The following METTL13 variants were observed in gnomAD, a reference collection of about 807,000 sequenced individuals.
METTL13 encodes eEF1A lysine and N-terminal methyltransferase.
METTL13 carries 52 observed loss-of-function variants against 67.4 expected under a neutral mutation model. That is an observed-to-expected ratio of 0.77 (90% CI 0.62 to 0.97). The LOEUF is 0.97. Among genes scored for constraint, METTL13 ranks in the 50% least tolerant of loss-of-function variants. The probability of loss-of-function intolerance (pLI) is 0.00; values close to 1 mark genes in which losing one functional copy is unlikely to be tolerated. For synonymous variants in METTL13, 354 were observed against 353.6 expected, an observed-to-expected ratio of 1.00 and a Z score of -0.01; for missense variants, 825 against 889.6, an observed-to-expected ratio of 0.93 and a Z score of 0.92.
chr1:171,790,748 T>C, intron 5 of METTL13, 132 bp downstream of exon 5: 1 of 1,016,708 alleles, frequency 9.8e-7, no homozygotes, highest in Non-Finnish European at 1.3e-6. Flanking sequence ...ATCTCAACCA[T>C]GTTATAAGTT....
chr1:171,784,287 T>C lies in METTL13; in HGVS notation c.701T>C (p.Val234Ala), dbSNP rs757767470. 1.8e-5 allele frequency: 29 copies of C among 1,612,830 alleles called. No individual in the cohort carries two copies. Among genetic ancestry groups the C allele is most frequent in the Non-Finnish European group, 2.3e-5 (27 of 1,179,236 alleles). Residue 234 changes from valine to alanine, a missense_variant, in exon 2 of 8, where the codon GTG becomes GCG. Physicochemically the swap from Val to Ala is moderately conservative, Grantham distance 64. Coordinates refer to ENST00000361735, the MANE Select transcript of METTL13 (RefSeq NM_015935.5). ...TGTGCTCAGGAGCAGCGCAAGCCTG[T>C]GCGGCTGGAGAGTGCCGAGCGGCTG... ...ELCAQEQRKP[V>A]RLESAERLAE...
intron 6 of METTL13, 110 bp from the exon 7 acceptor site, chr1:171,794,286 C>T: frequency 6.7e-7 from 1 of 1,489,698 alleles, no homozygotes. Flanking sequence ...TGTCATCCTT[C>T]TAACTTAGTC....
Position 171,781,946 on chromosome 1 carries a change from A to G in METTL13, c.-22A>G. The G allele has an allele frequency of 3.7e-6, 6 of 1,613,580 alleles. No individual in the cohort carries two copies. Among genetic ancestry groups the G allele is most frequent in the Non-Finnish European group, 4.2e-6 (5 of 1,179,754 alleles). On this transcript the variant is annotated 5_prime_UTR_variant, in exon 1 of 8. Coordinates refer to ENST00000361735, the MANE Select transcript of METTL13 (RefSeq NM_015935.5). ...CACAGGGAATAGGGGAGTCTTGAAA[A>G]CGCAGCTTCGGCAGTAGGAACATGA...
intron 4 of METTL13, 50 bp downstream of exon 4, chr1:171,787,980 C>G: frequency 6.3e-7 from 1 of 1,590,750 alleles, no homozygotes; most frequent in Non-Finnish European, 8.6e-7. Flanking sequence ...GTGGCATGGA[C>G]TAGATTTCTT....
rs866218311 is a variant in METTL13, at chr1:171,792,757, G to A, written c.1693+522G>A. 6.6e-5 allele frequency among the ~76,000 whole-genome samples: 10 copies of A among 152,260 alleles called. 1 individual carries two copies. Among genetic ancestry groups the A allele is most frequent in the Middle Eastern group, 6.8e-3 (2 of 294 alleles). The stretch of plus-strand genomic sequence containing the variant: ...GGGATGTTGCTACTGACATCTAAAC[G>A]GTAGAGGTCTAGGATGCTAGTAAAC... On this transcript the variant is annotated intron_variant, in intron 6 of 7. Coordinates refer to ENST00000361735, the MANE Select transcript of METTL13 (RefSeq NM_015935.5).
chr1:171,796,044 T>G (rs947168937), intron 7 of METTL13, among the ~76,000 whole-genome samples: 4 of 152,106 alleles, frequency 2.6e-5, no homozygotes, highest in African/African-American at 9.7e-5. Context: ...TTTTTATATT[T>G]TTAGTAGAGC....
In METTL13 at chr1:171,785,952, CT is replaced by C; in HGVS notation, c.989del (p.Phe330SerfsTer4). The C allele has an allele frequency of 6.2e-7, 1 of 1,613,890 alleles. No individual in the cohort carries two copies. Among genetic ancestry groups the C allele is most frequent in the Non-Finnish European group, 8.5e-7 (1 of 1,179,982 alleles). On this transcript the variant is annotated frameshift_variant, in exon 3 of 8. Coordinates refer to ENST00000361735, the MANE Select transcript of METTL13 (RefSeq NM_015935.5). LOFTEE classifies it high-confidence loss of function. The stretch of plus-strand genomic sequence containing the variant: ...GGAAACAGCTGGCGGCCAGTGCTGG[CT>C]TCAGGAGGTTGATTACAGTGGCCCT... ...GRKQLAASAGFRRLITVALHR... is the reference protein window; with the variant it reads ...GRKQLAASAGXRRLITVALHR...
intron 2 of METTL13, among the ~76,000 whole-genome samples, chr1:171,785,217 T>C (rs1288271489): frequency 6.6e-6 from 1 of 152,200 alleles, no homozygotes; most frequent in Non-Finnish European, 1.5e-5. Context: ...TTAATAAGGA[T>C]AAAAAAGATA....
At position 171,796,607 on chromosome 1, in the gene METTL13, T is replaced by C. The variant is rs1657386511; in HGVS notation, c.1951T>C (p.Phe651Leu). 6.2e-7 allele frequency: 1 copy of C among 1,614,096 alleles called. No individual in the cohort carries two copies. The highest frequency in any genetic ancestry group is 1.3e-5 in the African/African-American group (1 of 74,946). Reference sequence around the variant, plus strand: ...TGAGGGTGAAGTGAATGAGATCCTGTTCTGTCAGCTGCACCCTGAGCAAAA... The same window carrying C: ...TGAGGGTGAAGTGAATGAGATCCTGCTCTGTCAGCTGCACCCTGAGCAAAA... ...RIEGEVNEIL[F>L]CQLHPEQKLA... The change falls in exon 8 of 8, where the codon TTC becomes CTC. Residue 651 changes from phenylalanine (F) to leucine (L), a missense_variant. Transcript: ENST00000361735.
chr1:171,790,212 G>A (rs1657158226), intron 4 of METTL13, among the ~76,000 whole-genome samples: 1 of 152,222 alleles, frequency 6.6e-6, no homozygotes, highest in Non-Finnish European at 1.5e-5. Flanking sequence ...CTGCCCCCGT[G>A]ACCAGCATGG....
At chr1:171,796,310 T>C (rs559981246) in intron 7 of METTL13, among the ~76,000 whole-genome samples, 172 bp from the exon 8 acceptor site, 1 of 152,166 alleles carries the variant, frequency 6.6e-6, no homozygotes, top group Non-Finnish European at 1.5e-5. Context: ...CTCCCCATGC[T>C]TTTCTCCATC....
chr1:171,789,924 C>T (rs1366374658), intron 4 of METTL13, among the ~76,000 whole-genome samples: 4 of 152,048 alleles, frequency 2.6e-5, no homozygotes, highest in Non-Finnish European at 5.9e-5. Context: ...GTTTGTTTTA[C>T]GTTGCTTATA....
Position 171,796,751 on chromosome 1 carries a change from G to T in METTL13, c.2095G>T (p.Val699Leu). The T allele has an allele frequency of 6.2e-7, 1 of 1,613,594 alleles. No individual in the cohort carries two copies. The highest frequency in any genetic ancestry group is 8.5e-7 in the Non-Finnish European group (1 of 1,179,706). ...AGATATGCTCAAGACGGTGAAAATT[G>T]TGTGACTGCTTAGGCCAAGCAGCCC... ...LSDMLKTVKI[V>L] is the part of the protein sequence containing the mutation. The change falls in exon 8 of 8, where the codon GTG becomes TTG. Residue 699 changes from valine to leucine, a missense_variant. Coordinates refer to ENST00000361735, the MANE Select transcript of METTL13 (RefSeq NM_015935.5).
At chr1:171,793,105 C>T (rs1558133061) in intron 6 of METTL13, among the ~76,000 whole-genome samples, 2 of 152,182 alleles carry the variant, frequency 1.3e-5, no homozygotes, top group African/African-American at 4.8e-5. Context: ...CTGTTCAGGA[C>T]TGCTGGTCTG....
intron 6 of METTL13, among the ~76,000 whole-genome samples, chr1:171,794,113 A>T (rs188762727): frequency 2.6e-4 from 40 of 152,358 alleles, no homozygotes; most frequent in African/African-American, 9.6e-4. Context: ...CTTAACCGAG[A>T]AATATTCATG....
chr1:171,796,156 C>T (rs757091921), intron 7 of METTL13, among the ~76,000 whole-genome samples: 2 of 152,270 alleles, frequency 1.3e-5, no homozygotes, highest in African/African-American at 2.4e-5. Flanking sequence ...CATGAGCCAC[C>T]GTGCCCAGCT....
rs979510875 is a variant in METTL13, at chr1:171,790,485, A to G, written c.1343A>G (p.Gln448Arg). The G allele has an allele frequency of 6.2e-7, 1 of 1,608,742 alleles. No individual in the cohort carries two copies. The highest frequency in any genetic ancestry group is 1.3e-5 in the African/African-American group (1 of 74,772). Residue 448 changes from glutamine to arginine, a missense_variant, in exon 5 of 8, where the codon CAG (glutamine) becomes CGG (arginine). Gln to Arg is a conservative substitution (Grantham distance 43). Coordinates refer to ENST00000361735, the MANE Select transcript of METTL13 (RefSeq NM_015935.5). The stretch of plus-strand genomic sequence containing the variant: ...AAGCGGAAAAAGGACAGGAAGAAGC[A>G]GCGGCCTGCTGATGCGGAGGACCTC... The part of the protein sequence containing the change: ...QKKRKKDRKK[Q>R]RPADAEDLPA...
chr1:171,790,367 A>G lies in METTL13; in HGVS notation c.1310-85A>G, dbSNP rs1657163107. 5.2e-6 allele frequency: 7 copies of G among 1,350,854 alleles called. No individual in the cohort carries two copies. In the East Asian group the frequency reaches 8.1e-5, roughly 16 times the overall value. 83.7% of individuals were successfully genotyped at this position (1,350,854 alleles called of 1,614,324 possible). A position where few individuals can be genotyped will look rare whatever the true frequency, so the allele number is the denominator to read the frequency against. ...AACGATTGGGTCTTTTGAGTGTTCA[A>G]GCCATCTGGAGCACACTGCTGCCAG... On this transcript the variant is annotated intron_variant, in intron 4 of 7. Transcript: ENST00000361735.
intron 7 of METTL13, among the ~76,000 whole-genome samples, chr1:171,794,982 G>T (rs1396117073): frequency 6.6e-6 from 1 of 152,078 alleles, no homozygotes; most frequent in Non-Finnish European, 1.5e-5. Context: ...ACCATGCCTG[G>T]CTAATTTTTT....
Sources: gnomAD v4.1 joint callset for allele counts (sites outside exome capture counted in the v4.1 genomes callset) on GRCh38, gnomAD v4.1.1 for gene constraint, MANE v1.5 for transcripts, NCBI Gene and HGNC (gene_info 2026-07-23, HGNC 2026-07-21) for gene names.